LIMCH1: variants seen among roughly 807,000 people sequenced by gnomAD.
LIMCH1 encodes the protein LIM and calponin homology domains-containing protein 1.
A neutral mutation model predicts 176.5 loss-of-function variants in LIMCH1; 113 were observed. The observed-to-expected ratio is 0.64, with a 90% CI of 0.55 to 0.75. The LOEUF (loss-of-function observed/expected upper bound fraction) is 0.75. LIMCH1 is among the 30% of genes least tolerant of loss of function. The pLI, the probability that LIMCH1 is intolerant of heterozygous loss-of-function variation, is 0.00. For missense variants in LIMCH1, 1,674 were observed against 1,814.9 expected, an observed-to-expected ratio of 0.92 and a Z score of 1.41; for synonymous variants, 619 against 645.9, an observed-to-expected ratio of 0.96 and a Z score of 0.63.
At chr4:41,383,136 A>G (rs1390503873) in intron 1 of LIMCH1, among the ~76,000 whole-genome samples, 1 of 152,188 alleles carries the variant, frequency 6.6e-6, no homozygotes, top group Non-Finnish European at 1.5e-5. Flanking sequence ...TATTTGAACT[A>G]ATAATCAGTT....
intron 1 of LIMCH1, chr4:41,551,316 G>C (rs1400512444): frequency 6.6e-6 from 1 of 152,126 alleles, no homozygotes; most frequent in African/African-American, 2.4e-5. Context: ...GCCTTCTATT[G>C]CTAGGCTCAG....
At chr4:41,422,657 A>G (rs1047948556) in intron 1 of LIMCH1, among the ~76,000 whole-genome samples, 1 of 152,266 alleles carries the variant, frequency 6.6e-6, no homozygotes, top group Non-Finnish European at 1.5e-5. Context: ...AAAATGGTAT[A>G]TAATCAATTT....
chr4:41,460,144 C>A (rs1454861657), intron 1 of LIMCH1, among the ~76,000 whole-genome samples: 1 of 152,042 alleles, frequency 6.6e-6, no homozygotes, highest in African/African-American at 2.4e-5. Flanking sequence ...AGATAGAATT[C>A]TAATTGACTA....
chr4:41,552,289 GTGTGAAGAGTC>G (rs771432271), intron 1 of LIMCH1, among the ~76,000 whole-genome samples: 1 of 152,150 alleles, frequency 6.6e-6, no homozygotes, highest in Non-Finnish European at 1.5e-5. Flanking sequence ...TTCATGAGCT[GTGTGAAGAGTC>G]TGTAAAAAGA....
chr4:41,555,638 CAG>C (rs2081133785), intron 1 of LIMCH1, among the ~76,000 whole-genome samples: 1 of 152,122 alleles, frequency 6.6e-6, no homozygotes, highest in African/African-American at 2.4e-5. Flanking sequence ...AATGAGAAAA[CAG>C]ATAATAATGG....
intron 1 of LIMCH1, among the ~76,000 whole-genome samples, chr4:41,365,602 C>T (rs1355275601): frequency 1.3e-5 from 2 of 152,206 alleles, no homozygotes; most frequent in Non-Finnish European, 2.9e-5. Flanking sequence ...AGATGGTCCT[C>T]CAGCTTTGCA....
At chr4:41,476,235 T>G (rs2067720111) in intron 1 of LIMCH1, among the ~76,000 whole-genome samples, 1 of 152,222 alleles carries the variant, frequency 6.6e-6, no homozygotes, top group African/African-American at 2.4e-5. Context: ...TCCCATTGTT[T>G]GTTGGTTGGT....
chr4:41,632,911 C>G, intron 11 of LIMCH1, 44 bp downstream of exon 11: 3 of 1,524,728 alleles, frequency 2.0e-6, no homozygotes, highest in Non-Finnish European at 2.6e-6. Flanking sequence ...TGAAGGAGGA[C>G]AGGTGGGGTC....
chr4:41,594,694 CT>C (rs1561862438), intron 1 of LIMCH1, among the ~76,000 whole-genome samples: 1 of 152,162 alleles, frequency 6.6e-6, no homozygotes, highest in African/African-American at 2.4e-5. Context: ...TTATTTAAAT[CT>C]TCTAGCCCAA....
At chr4:41,439,991 C>T (rs2062532648) in intron 1 of LIMCH1, among the ~76,000 whole-genome samples, 1 of 152,170 alleles carries the variant, frequency 6.6e-6, no homozygotes, top group South Asian at 2.1e-4. Flanking sequence ...GTGATTTGTT[C>T]TGCTTCCTTA....
chr4:41,521,109 A>G (rs1015345438), intron 2 of LIMCH1, among the ~76,000 whole-genome samples: 7 of 152,102 alleles, frequency 4.6e-5, no homozygotes, highest in African/African-American at 1.7e-4. Flanking sequence ...ATATTATCTC[A>G]TTGTATTTAG....
chr4:41,682,498 AGCTGGGCTCT>A (rs766977724), intron 26 of LIMCH1, 38 bp downstream of exon 26: 2 of 1,600,058 alleles, frequency 1.2e-6, no homozygotes, highest in Non-Finnish European at 1.7e-6. Flanking sequence ...AAATGTACAA[AGCTGGGCTCT>A]GCTCGTGCAC....
At chr4:41,643,236 C>T (rs1398704936) in intron 14 of LIMCH1, among the ~76,000 whole-genome samples, 8 of 152,162 alleles carry the variant, frequency 5.3e-5, no homozygotes, top group African/African-American at 1.9e-4. Flanking sequence ...GATGCTGCTG[C>T]TGTTCATTGT....
chr4:41,671,615 A>C, intron 22 of LIMCH1, 21 bp downstream of exon 22: 1 of 1,523,536 alleles, frequency 6.6e-7, no homozygotes. Flanking sequence ...CATTTTAAGG[A>C]ATAAGATTAT....
At chr4:41,612,541 C>T (rs1319076104) in intron 4 of LIMCH1, 2 of 702,354 alleles carry the variant, frequency 2.8e-6, no homozygotes, top group Non-Finnish European at 5.2e-6. Context: ...TTTTAGTCAG[C>T]CTGGACTATT....
intron 1 of LIMCH1, chr4:41,551,496 A>G (rs1301206673): frequency 6.6e-6 from 1 of 152,166 alleles, no homozygotes; most frequent in African/African-American, 2.4e-5. Context: ...GGTAGGCTGT[A>G]TTGCTGGCAT....
At chr4:41,595,463 CG>C (rs1270179876) in intron 1 of LIMCH1, among the ~76,000 whole-genome samples, 3 of 152,030 alleles carry the variant, frequency 2.0e-5, no homozygotes, top group Non-Finnish European at 4.4e-5. Context: ...GATTTAGTAG[CG>C]GGGTGACTGG....
At chr4:41,631,109 A>G in intron 9 of LIMCH1, 39 bp from the exon 10 acceptor site, 2 of 1,393,532 alleles carry the variant, frequency 1.4e-6, no homozygotes, top group South Asian at 3.0e-5. Flanking sequence ...ATTGATTTGT[A>G]CTCAGACACT....
At chr4:41,672,717 C>T (rs1029079319) in intron 22 of LIMCH1, among the ~76,000 whole-genome samples, 2 of 152,158 alleles carry the variant, frequency 1.3e-5, no homozygotes, top group East Asian at 3.9e-4. Flanking sequence ...AATCTCAGGC[C>T]TTGTTCGCCC....
Sources: allele counts gnomAD v4.1 joint callset (sites outside exome capture counted in the v4.1 genomes callset), GRCh38; gene constraint gnomAD v4.1.1; transcripts MANE v1.5; gene names NCBI Gene and HGNC (gene_info 2026-07-23, HGNC 2026-07-21).